Variants in HELLS observed in about 807,000 individuals in gnomAD.
HELLS encodes the protein lymphoid-specific helicase.
Under a neutral mutation model 120.0 loss-of-function variants are expected in HELLS, and 32 were observed. That is an observed-to-expected ratio of 0.27 (90% CI 0.20 to 0.36). HELLS has a LOEUF of 0.36. Ranked by LOEUF, HELLS falls within the 10% of genes least tolerant of loss-of-function variation. HELLS has a pLI of 1.00. For synonymous variants in HELLS, 341 were observed against 323.4 expected (o/e 1.05, Z -0.58); for missense variants, 650 against 993.4 (o/e 0.65, Z 4.65).
In HELLS at chr10:94,576,757, G is replaced by A. The variant is rs201596370; in HGVS notation, c.984G>A (p.Val328=). ...KRKGTLQIHP[V]VITSFEIAMR... is the part of the protein sequence containing the mutation. Reference sequence around the variant, plus strand: ...AAGGGACTTTGCAGATTCATCCTGTGGTAATCACGTCATTTGAAATAGCCA... The same window carrying A: ...AAGGGACTTTGCAGATTCATCCTGTAGTAATCACGTCATTTGAAATAGCCA... The change falls in exon 10 of 22, where the codon GTG becomes GTA. Residue 328 remains valine (V), a synonymous_variant. Transcript: ENST00000348459. 4.7e-5 allele frequency: 75 copies of A among 1,610,978 alleles called. No homozygotes were observed. The highest frequency in any genetic ancestry group is 6.0e-5 in the Non-Finnish European group (71 of 1,178,418).
exon 10 of HELLS, chr10:94,611,777 C>T (rs763735453): frequency 3.9e-5 from 6 of 152,126 alleles, no homozygotes; most frequent in Non-Finnish European, 7.4e-5. Context: ...TAAAAGCTGA[C>T]ATTTGACTGA....
At chr10:94,600,670 C>T (rs1405487664) in intron 21 of HELLS, among the ~76,000 whole-genome samples, 1 of 152,072 alleles carries the variant, frequency 6.6e-6, no homozygotes, top group Non-Finnish European at 1.5e-5. Context: ...CACTTACAAA[C>T]TTCAGATAAA....
chr10:94,590,377 T>C, intron 13 of HELLS, 36 bp from the exon 14 acceptor site: 1 of 1,570,182 alleles, frequency 6.4e-7, no homozygotes, highest in South Asian at 1.2e-5. Flanking sequence ...GACATAGCTT[T>C]ATAAACTGAA....
intron 4 of HELLS, among the ~76,000 whole-genome samples, chr10:94,558,824 A>G (rs555335871): frequency 2.6e-5 from 4 of 152,242 alleles, no homozygotes; most frequent in South Asian, 2.1e-4. Flanking sequence ...GATGGTCTCC[A>G]TCTCCTGACC....
rs1223842790 is a variant in HELLS, at chr10:94,592,164, CTTTTG to C, written c.1768-60_1768-56del. On this transcript the variant is annotated intron_variant, in intron 15 of 21. Transcript: ENST00000348459. ...TTTGAAAATTGAACTTTCCAAATGG[CTTTTG>C]TTTTAACAAAGCAAATAACAGTTTT... The C allele has an allele frequency of 4.8e-6, 6 of 1,252,690 alleles. No individual in the cohort carries two copies. In the African/African-American group the frequency reaches 6.1e-5, roughly 13 times the overall value. 77.6% of individuals were successfully genotyped at this position (1,252,690 alleles called of 1,614,324 possible).
At chr10:94,571,618 A>C (rs1430755768) in intron 7 of HELLS, among the ~76,000 whole-genome samples, 189 bp downstream of exon 7, 1 of 152,050 alleles carries the variant, frequency 6.6e-6, no homozygotes, top group Non-Finnish European at 1.5e-5. Context: ...AACTTTAGTT[A>C]GTTGTTTTAT....
Position 94,546,369 on chromosome 10 carries a change from C to G in HELLS, c.32-8C>G, listed in dbSNP as rs1398391571. Reference sequence around the variant, plus strand: ...AAACTGCAATTTGAAAGCTTTCTCCCCCGTCAGGCTCGGAGGCTCCAGCAA... The same window carrying G: ...AAACTGCAATTTGAAAGCTTTCTCCGCCGTCAGGCTCGGAGGCTCCAGCAA... On this transcript the variant is annotated splice_polypyrimidine_tract_variant and splice_region_variant and intron_variant, in intron 1 of 21. Coordinates refer to ENST00000348459, the MANE Select transcript of HELLS (RefSeq NM_018063.5). 6 of 1,613,860 alleles carry G rather than the reference C, an allele frequency of 3.7e-6. No homozygotes were observed. The highest frequency in any genetic ancestry group is 4.2e-6 in the Non-Finnish European group (5 of 1,180,008).
Position 94,560,468 on chromosome 10 carries a change from A to G in HELLS, c.334-2223A>G, listed in dbSNP as rs538333912. The stretch of plus-strand genomic sequence containing the variant: ...CCAACACTTTGGGAGGCTGAGGCAG[A>G]TGGATTCCTTGAGGCAAGGAGTTCG... On this transcript the variant is annotated intron_variant, in intron 4 of 21. Transcript: ENST00000348459. 8.8e-4 allele frequency among the ~76,000 whole-genome samples: 133 copies of G among 150,328 alleles called. 1 individual carries two copies. The highest frequency in any genetic ancestry group is 3.0e-3 in the African/African-American group (122 of 40,926).
At chr10:94,601,301 T>C (rs1449156945) in intron 21 of HELLS, among the ~76,000 whole-genome samples, 1 of 152,184 alleles carries the variant, frequency 6.6e-6, no homozygotes, top group East Asian at 1.9e-4. Context: ...CTTTAGATTG[T>C]ATGCTCCCAA....
chr10:94,573,461 T>C (rs1287949804), intron 7 of HELLS, among the ~76,000 whole-genome samples: 1 of 151,450 alleles, frequency 6.6e-6, no homozygotes, highest in Non-Finnish European at 1.5e-5. Flanking sequence ...TTATATTTTA[T>C]TTTATTTTAT....
chr10:94,563,006 T>A, intron 6 of HELLS, 130 bp downstream of exon 6: 1 of 632,088 alleles, frequency 1.6e-6, no homozygotes. Context: ...ATATTATATA[T>A]CATTTATAGG....
Position 94,554,047 on chromosome 10 carries a change from T to C in HELLS, c.154-79T>C, listed in dbSNP as rs373332345. 9.9e-6 allele frequency: 13 copies of C among 1,310,470 alleles called. No individual in the cohort carries two copies. In the African/African-American group the frequency reaches 1.6e-4, roughly 16 times the overall value. The allele number at this position is 1,310,470 out of a possible 1,614,324, so 81.2% of individuals were successfully genotyped here. On this transcript the variant is annotated intron_variant, in intron 2 of 21. Transcript: ENST00000348459. ...GGTTTAAAAAATGTTATTTTAGCCA[T>C]TTTTATTAAACTTTATGCCAAAAAA...
intron 6 of HELLS, among the ~76,000 whole-genome samples, chr10:94,566,098 G>T (rs1258532670): frequency 6.6e-6 from 1 of 151,964 alleles, no homozygotes; most frequent in Non-Finnish European, 1.5e-5. Flanking sequence ...TTGTCATGTT[G>T]TCTAGGCTGG....
chr10:94,565,487 C>T (rs1564587283), intron 6 of HELLS, among the ~76,000 whole-genome samples: 1 of 152,126 alleles, frequency 6.6e-6, no homozygotes, highest in Non-Finnish European at 1.5e-5. Context: ...GTCAAGAGTT[C>T]GAGGCCAGCC....
At position 94,579,217 on chromosome 10, in the gene HELLS, T is replaced by C. The variant is rs1261957420; in HGVS notation, c.1033-2109T>C. Among the ~76,000 whole-genome samples the C allele has an allele frequency of 4.2e-5, 6 of 142,618 alleles. No homozygotes were observed. In the East Asian group the frequency reaches 1.3e-3, roughly 32 times the overall value. The allele number at this position is 142,618 out of a possible 152,430, so 93.6% of individuals were successfully genotyped here. ...TACTTTTTTCTTTTTTTTTTTTTTT[T>C]TGAGGCAGAGTCTTGCTCTGTTGCC... On this transcript the variant is annotated intron_variant, in intron 10 of 21. Coordinates refer to ENST00000348459, the MANE Select transcript of HELLS (RefSeq NM_018063.5).
At chr10:94,578,454 T>G (rs1050187307) in intron 10 of HELLS, among the ~76,000 whole-genome samples, 1 of 152,170 alleles carries the variant, frequency 6.6e-6, no homozygotes, top group Non-Finnish European at 1.5e-5. Flanking sequence ...CCCAGCACTT[T>G]GGGAAGCTTA....
chr10:94,612,122 T>A (rs913145852), exon 10 of HELLS: 1 of 152,188 alleles, frequency 6.6e-6, no homozygotes, highest in Non-Finnish European at 1.5e-5. Context: ...CAAACCAGTG[T>A]TTGGGGGCAT....
At chr10:94,601,398 C>T in intron 21 of HELLS, 130 bp from the exon 22 acceptor site, 1 of 583,610 alleles carries the variant, frequency 1.7e-6, no homozygotes, top group South Asian at 2.0e-5. Flanking sequence ...AAGAGAGTGC[C>T]CTGTATTACT....
intron 3 of HELLS, chr10:94,557,140 T>C (rs1843311039): frequency 2.5e-6 from 1 of 401,372 alleles, no homozygotes; most frequent in Non-Finnish European, 5.0e-6. Flanking sequence ...TCATCTGATA[T>C]ACATCATTTA....
Sources: gnomAD v4.1 joint callset for allele counts (sites outside exome capture counted in the v4.1 genomes callset) on GRCh38, gnomAD v4.1.1 for gene constraint, MANE v1.5 for transcripts, NCBI Gene and HGNC (gene_info 2026-07-23, HGNC 2026-07-21) for gene names.